The following KSR2 variants were observed in gnomAD, a reference collection of about 807,000 sequenced individuals.
KSR2 encodes the protein kinase suppressor of ras 2.
A neutral mutation model predicts 107.8 loss-of-function variants in KSR2; 25 were observed. The ratio of observed to expected loss-of-function variants is 0.23; its 90% CI spans 0.17 to 0.32. The LOEUF is 0.32. Among genes scored for constraint, KSR2 ranks in the 10% least tolerant of loss-of-function variants. The pLI, the probability that KSR2 is intolerant of heterozygous loss-of-function variation, is 1.00. For missense variants in KSR2, 887 were observed against 1,268.9 expected (o/e 0.70, Z 4.57); for synonymous variants, 480 against 507.0 (o/e 0.95, Z 0.71).
chr12:117,890,676 T>C (rs1184451908), intron 1 of KSR2: 1 of 152,246 alleles, frequency 6.6e-6, no homozygotes, highest in Non-Finnish European at 1.5e-5. Flanking sequence ...TGATTGCATT[T>C]GATTGCATTT....
At chr12:117,491,029 C>G (rs1872717197) in intron 14 of KSR2, among the ~76,000 whole-genome samples, 1 of 152,036 alleles carries the variant, frequency 6.6e-6, no homozygotes, top group South Asian at 2.1e-4. Context: ...TGAACTTATT[C>G]CTCCTGTCTA....
At chr12:117,835,063 G>C (rs1488880341) in intron 3 of KSR2, among the ~76,000 whole-genome samples, 1 of 152,076 alleles carries the variant, frequency 6.6e-6, no homozygotes, top group African/African-American at 2.4e-5. Context: ...AGGGGCTTAT[G>C]GGCCATCCAT....
At chr12:117,896,733 T>A (rs913548797) in intron 1 of KSR2, among the ~76,000 whole-genome samples, 2 of 152,178 alleles carry the variant, frequency 1.3e-5, no homozygotes, top group Non-Finnish European at 2.9e-5. Flanking sequence ...GTGCTGGGAT[T>A]ATAGGCACGA....
At chr12:117,679,136 G>A (rs12315742) in intron 4 of KSR2, among the ~76,000 whole-genome samples, 4,638 of 152,164 alleles carry the variant, frequency 0.03, 224 homozygotes, top group African/African-American at 0.1. Context: ...ACCCAGTGCC[G>A]TCTTCTCTCC....
In KSR2 at chr12:117,484,502, C is replaced by G; in HGVS notation, c.2364G>C (p.Lys788Asn). 1 of 1,613,988 alleles carries G rather than the reference C, an allele frequency of 6.2e-7. No individual in the cohort carries two copies. The highest frequency in any genetic ancestry group is 8.5e-7 in the Non-Finnish European group (1 of 1,179,868). ...HAKGILHKDL[K>N]SKNVFYDNGK... ...CGTTGTCATAGAAGACGTTCTTTGA[C>G]TTGAGGTCCTTGTGTAGGATTCCCT... is the stretch of plus-strand genomic sequence containing the variant. Residue 788 changes from lysine (K) to asparagine (N), a missense_variant, in exon 16 of 20, where the codon AAG becomes AAC. By Grantham distance (94) the Lys-to-Asn change is moderately conservative. Transcript: ENST00000339824.
chr12:117,532,071 A>G (rs1454072077), intron 10 of KSR2, among the ~76,000 whole-genome samples: 1 of 152,228 alleles, frequency 6.6e-6, no homozygotes, highest in East Asian at 1.9e-4. Context: ...TGGCAGAATG[A>G]TTACAGTGGC....
chr12:117,895,269 T>C (rs1285652836), intron 1 of KSR2, among the ~76,000 whole-genome samples: 2 of 151,900 alleles, frequency 1.3e-5, no homozygotes, highest in African/African-American at 2.4e-5. Context: ...TACCGACATT[T>C]TGATGCCTCC....
chr12:117,675,561 C>T (rs1285830343), intron 4 of KSR2, among the ~76,000 whole-genome samples: 1 of 152,218 alleles, frequency 6.6e-6, no homozygotes, highest in East Asian at 1.9e-4. Flanking sequence ...CTTTTGCCAG[C>T]CCACCTCTCC....
chr12:117,747,645 C>T (rs1272356125), intron 4 of KSR2, among the ~76,000 whole-genome samples: 1 of 151,482 alleles, frequency 6.6e-6, no homozygotes, highest in African/African-American at 2.4e-5. Flanking sequence ...GGCAAAGAAC[C>T]TGAATAGACA....
At position 117,555,310 on chromosome 12, in the gene KSR2, A is replaced by G. The variant is rs765664274; in HGVS notation, c.1394-17T>C. 4.3e-6 allele frequency: 7 copies of G among 1,613,228 alleles called. No individual in the cohort carries two copies. Among genetic ancestry groups the G allele is most frequent in the Non-Finnish European group, 5.9e-6 (7 of 1,179,542 alleles). On this transcript the variant is annotated splice_polypyrimidine_tract_variant and intron_variant, in intron 8 of 19. Coordinates refer to ENST00000339824, the MANE Select transcript of KSR2 (RefSeq NM_173598.6). ...TTGCTGGATCCGTAGGGGTAAAAAC[A>G]TTGATTTGGGAGTTTAAGTATCACT...
Position 117,631,482 on chromosome 12 carries a change from ATTC to A in KSR2, c.1171+35989_1171+35991del, listed in dbSNP as rs1172879247. On this transcript the variant is annotated intron_variant, in intron 5 of 19. Transcript: ENST00000339824. ...TTTATGACTAAACAACAATTTCATGATTCTTCTTTGTGATTATCATAAATCTAG... is the reference window on the plus strand; with the variant it reads ...TTTATGACTAAACAACAATTTCATGATTCTTTGTGATTATCATAAATCTAG... Among the ~76,000 whole-genome samples the A allele has an allele frequency of 3.9e-5, 6 of 152,270 alleles. No individual in the cohort carries two copies. In the East Asian group the frequency reaches 1.2e-3, roughly 29 times the overall value.
intron 3 of KSR2, among the ~76,000 whole-genome samples, chr12:117,827,034 C>CAA (rs58583797): frequency 0.06 from 6,246 of 103,384 alleles, 223 homozygotes; most frequent in Non-Finnish European, 0.085. Context: ...GACCCTGTCT[C>CAA]AAAAAAAAAA....
chr12:117,892,234 G>A lies in KSR2; in HGVS notation c.181-31803C>T, dbSNP rs551459655. Among the ~76,000 whole-genome samples, 206 of 152,202 alleles carry A rather than the reference G, an allele frequency of 1.4e-3. 2 individuals carry two copies. Among genetic ancestry groups the A allele is most frequent in the African/African-American group, 4.8e-3 (201 of 41,516 alleles). Reference sequence around the variant, plus strand: ...TAGGAGAATCACTTGAACCCGGGAGGCAGAGGTTGCAGTGAGCTGAGATCG... The same window carrying A: ...TAGGAGAATCACTTGAACCCGGGAGACAGAGGTTGCAGTGAGCTGAGATCG... On this transcript the variant is annotated intron_variant, in intron 1 of 19. Transcript: ENST00000339824.
At chr12:117,753,253 T>C (rs1888670573) in intron 4 of KSR2, among the ~76,000 whole-genome samples, 2 of 152,156 alleles carry the variant, frequency 1.3e-5, no homozygotes, top group African/African-American at 4.8e-5. Flanking sequence ...TAACCTCCAG[T>C]GAAATTTTCA....
chr12:117,958,328 T>C lies in KSR2; in HGVS notation c.180+9748A>G, dbSNP rs114846137. Among the ~76,000 whole-genome samples, 948 of 152,222 alleles carry C rather than the reference T, an allele frequency of 6.2e-3. 13 individuals are homozygous for C. Among genetic ancestry groups the C allele is most frequent in the African/African-American group, 0.022 (897 of 41,552 alleles). ...CACCTGTGCTGAGGGTATGGGGAAA[T>C]GAACCCTTTCCAACACTGCTGGTGA... On this transcript the variant is annotated intron_variant, in intron 1 of 19. Transcript: ENST00000339824.
At chr12:117,658,979 G>A (rs1477701749) in intron 5 of KSR2, among the ~76,000 whole-genome samples, 2 of 152,130 alleles carry the variant, frequency 1.3e-5, no homozygotes. Context: ...TGGGGATGCA[G>A]GGGCACTGAT....
chr12:117,913,494 T>C (rs1895086019), intron 1 of KSR2, among the ~76,000 whole-genome samples: 1 of 152,082 alleles, frequency 6.6e-6, no homozygotes, highest in South Asian at 2.1e-4. Context: ...GTAGATGTCA[T>C]AAGGTAAGAG....
chr12:117,482,423 G>A (rs1305903151), intron 16 of KSR2, among the ~76,000 whole-genome samples: 1 of 152,196 alleles, frequency 6.6e-6, no homozygotes, highest in Non-Finnish European at 1.5e-5. Flanking sequence ...ATGGTTCATT[G>A]CAGAATAAAG....
At chr12:117,896,457 C>CG (rs1894512754) in intron 1 of KSR2, among the ~76,000 whole-genome samples, 4 of 141,546 alleles carry the variant, frequency 2.8e-5, no homozygotes, top group East Asian at 2.1e-4. Context: ...TTTCGCACAA[C>CG]ATTTTTTTTT....
Sources: allele counts gnomAD v4.1 joint callset (sites outside exome capture counted in the v4.1 genomes callset), GRCh38; gene constraint gnomAD v4.1.1; transcripts MANE v1.5; gene names NCBI Gene and HGNC (gene_info 2026-07-23, HGNC 2026-07-21).